Variants in NRXN3 observed in about 807,000 individuals in gnomAD.
NRXN3 encodes neurexin 3, also known as neurexin III.
NRXN3 carries 32 observed loss-of-function variants against 137.6 expected under a neutral mutation model. The ratio of observed to expected loss-of-function variants is 0.23; its 90% CI spans 0.18 to 0.31. NRXN3 has a LOEUF of 0.31. Among genes scored for constraint, NRXN3 ranks in the 10% least tolerant of loss-of-function variants. NRXN3 has a pLI of 1.00. For missense variants in NRXN3, 1,574 were observed against 2,062.5 expected (o/e 0.76, Z 4.59); for synonymous variants, 798 against 784.5 (o/e 1.02, Z -0.29).
intron 16 of NRXN3, among the ~76,000 whole-genome samples, chr14:79,641,006 T>C (rs904131185): frequency 8.2e-5 from 11 of 133,968 alleles, no homozygotes; most frequent in African/African-American, 2.5e-4. Flanking sequence ...GAATAAATTA[T>C]AATCTCCACG....
intron 15 of NRXN3, among the ~76,000 whole-genome samples, chr14:79,094,979 A>AGAGAGAGTGTGTGTGTGTGTGT (rs553957969): frequency 6.9e-5 from 8 of 115,882 alleles, no homozygotes; most frequent in African/African-American, 2.6e-4. Flanking sequence ...AGAGAGAGAG[A>AGAGAGAGTGTGTGTGTGTGTGT]GTGTGTGTGT....
At chr14:79,500,260 A>G (rs2096811086) in intron 16 of NRXN3, among the ~76,000 whole-genome samples, 1 of 131,424 alleles carries the variant, frequency 7.6e-6, no homozygotes, top group Non-Finnish European at 1.7e-5. Context: ...AAAAAAACCC[A>G]TAGGAAATGA....
chr14:78,617,598 C>T (rs1367721751), intron 4 of NRXN3, among the ~76,000 whole-genome samples: 1 of 152,014 alleles, frequency 6.6e-6, no homozygotes, highest in Non-Finnish European at 1.5e-5. Flanking sequence ...TTCATTTGCC[C>T]TATTCTAATG....
intron 4 of NRXN3, among the ~76,000 whole-genome samples, chr14:78,382,794 A>T (rs1374897115): frequency 6.6e-6 from 1 of 152,138 alleles, no homozygotes; most frequent in Non-Finnish European, 1.5e-5. Context: ...CTAAAGTAAC[A>T]GTACTCAGGA....
intron 15 of NRXN3, among the ~76,000 whole-genome samples, chr14:79,096,415 C>G (rs2050347580): frequency 6.6e-6 from 1 of 152,064 alleles, no homozygotes; most frequent in Non-Finnish European, 1.5e-5. Context: ...CGGCTTCCGC[C>G]TCTCTTTTTT....
intron 4 of NRXN3, among the ~76,000 whole-genome samples, chr14:78,468,414 T>C (rs1295510722): frequency 1.3e-5 from 2 of 152,118 alleles, no homozygotes; most frequent in African/African-American, 4.8e-5. Flanking sequence ...TTGTCTGAGA[T>C]GGTTTGGCTT....
chr14:79,529,945 T>G (rs1009529019), intron 16 of NRXN3, among the ~76,000 whole-genome samples: 1 of 152,214 alleles, frequency 6.6e-6, no homozygotes, highest in Non-Finnish European at 1.5e-5. Context: ...ATTCATTGTT[T>G]GGTTTTGAAT....
chr14:78,731,489 A>G (rs2098515117), intron 8 of NRXN3, among the ~76,000 whole-genome samples: 1 of 151,958 alleles, frequency 6.6e-6, no homozygotes, highest in Admixed American at 6.6e-5. Flanking sequence ...GTTCTACAAA[A>G]CGCATTTCAT....
At chr14:78,401,184 G>A (rs2092015961) in intron 4 of NRXN3, among the ~76,000 whole-genome samples, 1 of 151,216 alleles carries the variant, frequency 6.6e-6, no homozygotes, top group Non-Finnish European at 1.5e-5. Context: ...ATTTTTTTTG[G>A]GATGGCGTCT....
chr14:79,606,926 T>C (rs1333789599), intron 16 of NRXN3, among the ~76,000 whole-genome samples: 3 of 152,260 alleles, frequency 2.0e-5, no homozygotes, highest in Non-Finnish European at 2.9e-5. Flanking sequence ...AACAGATGTA[T>C]ATGACAACTT....
intron 15 of NRXN3, among the ~76,000 whole-genome samples, chr14:79,007,203 G>A (rs1477499348): frequency 6.6e-6 from 1 of 152,252 alleles, no homozygotes; most frequent in Non-Finnish European, 1.5e-5. Flanking sequence ...TGGTGGTTTT[G>A]TTTAAATTCA....
At chr14:78,227,330 C>T (rs532953880) in intron 1 of NRXN3, among the ~76,000 whole-genome samples, 20 of 151,700 alleles carry the variant, frequency 1.3e-4, no homozygotes, top group African/African-American at 4.4e-4. Flanking sequence ...TCAGTTTCTT[C>T]ATAGGTAGAT....
chr14:78,699,744 C>T (rs1399149729), intron 6 of NRXN3, among the ~76,000 whole-genome samples: 2 of 152,140 alleles, frequency 1.3e-5, no homozygotes, highest in Non-Finnish European at 2.9e-5. Flanking sequence ...GTAACTTTTA[C>T]TCTACTGGAG....
At chr14:79,807,387 A>G (rs2099212128) in intron 20 of NRXN3, among the ~76,000 whole-genome samples, 1 of 152,150 alleles carries the variant, frequency 6.6e-6, no homozygotes, top group African/African-American at 2.4e-5. Context: ...TCAGAAAGTC[A>G]TCTCCACAGC....
chr14:78,347,020 A>G (rs1392849168), intron 4 of NRXN3, among the ~76,000 whole-genome samples: 1 of 152,214 alleles, frequency 6.6e-6, no homozygotes, highest in Non-Finnish European at 1.5e-5. Flanking sequence ...ATTACAGGCA[A>G]TTACAATTTG....
chr14:78,237,060 A>G (rs2066416477), intron 1 of NRXN3, among the ~76,000 whole-genome samples: 1 of 152,240 alleles, frequency 6.6e-6, no homozygotes, highest in Admixed American at 6.5e-5. Flanking sequence ...GTCCACCTGC[A>G]AAACACACAA....
chr14:79,091,408 C>T (rs969992183), intron 15 of NRXN3, among the ~76,000 whole-genome samples: 1 of 152,026 alleles, frequency 6.6e-6, no homozygotes, highest in African/African-American at 2.4e-5. Flanking sequence ...TATTTTATTA[C>T]CAAAATAGAA....
intron 15 of NRXN3, among the ~76,000 whole-genome samples, chr14:79,331,379 C>T (rs958448353): frequency 6.6e-6 from 1 of 152,114 alleles, no homozygotes; most frequent in Non-Finnish European, 1.5e-5. Flanking sequence ...CAATTCAGTT[C>T]CACTGCTTGA....
At chr14:79,768,204 C>T (rs1170570721) in intron 19 of NRXN3, among the ~76,000 whole-genome samples, 5 of 152,224 alleles carry the variant, frequency 3.3e-5, no homozygotes, top group Non-Finnish European at 7.3e-5. Flanking sequence ...GGAGGGGCGC[C>T]TGCCATTGCC....
Sources: allele counts gnomAD v4.1 joint callset (sites outside exome capture counted in the v4.1 genomes callset), GRCh38; gene constraint gnomAD v4.1.1; transcripts MANE v1.5; gene names NCBI Gene and HGNC (gene_info 2026-07-23, HGNC 2026-07-21).